The following CAAP1 variants were observed in gnomAD, a reference collection of about 807,000 sequenced individuals.
CAAP1 encodes conserved anti-apoptotic protein.
CAAP1 carries 20 observed loss-of-function variants against 34.0 expected under a neutral mutation model. That is an observed-to-expected ratio of 0.59 (90% CI 0.41 to 0.86). CAAP1 has a LOEUF of 0.86. CAAP1 is among the 40% of genes least tolerant of loss of function. The pLI, the probability that CAAP1 is intolerant of heterozygous loss-of-function variation, is 0.00. For missense variants in CAAP1, 538 were observed against 450.5 expected, an observed-to-expected ratio of 1.19 and a Z score of -1.76; for synonymous variants, 213 against 166.7, an observed-to-expected ratio of 1.28 and a Z score of -2.14.
chr9:26,876,172 A>G (rs1823422647), intron 4 of CAAP1, among the ~76,000 whole-genome samples: 2 of 152,174 alleles, frequency 1.3e-5, no homozygotes, highest in African/African-American at 2.4e-5. Context: ...AAGGTAGCCT[A>G]TATTCCCTGG....
chr9:26,869,114 T>G (rs748993771), intron 4 of CAAP1, among the ~76,000 whole-genome samples: 13 of 152,260 alleles, frequency 8.5e-5, no homozygotes, highest in Non-Finnish European at 1.5e-4. Flanking sequence ...AATTGTTAGA[T>G]CTAGATGACA....
intron 5 of CAAP1, among the ~76,000 whole-genome samples, chr9:26,859,643 GATT>G: frequency 6.6e-6 from 1 of 152,170 alleles, no homozygotes; most frequent in South Asian, 2.1e-4. Context: ...ATATGATTAT[GATT>G]ATATTATATA....
intron 4 of CAAP1, among the ~76,000 whole-genome samples, chr9:26,882,933 G>C (rs2131337437): frequency 6.6e-6 from 1 of 152,226 alleles, no homozygotes; most frequent in East Asian, 1.9e-4. Flanking sequence ...GGGGCCTGTA[G>C]CTCCTTCATT....
chr9:26,865,734 T>G (rs1395829942), intron 4 of CAAP1, among the ~76,000 whole-genome samples: 1 of 152,208 alleles, frequency 6.6e-6, no homozygotes, highest in African/African-American at 2.4e-5. Context: ...TAAATCATTT[T>G]CTCATTTAAT....
chr9:26,877,075 A>G (rs183203470), intron 4 of CAAP1, among the ~76,000 whole-genome samples: 96 of 152,300 alleles, frequency 6.3e-4, no homozygotes, highest in African/African-American at 2.1e-3. Flanking sequence ...ACTTGAGCCC[A>G]GGAGTTTGAG....
rs377702243 is a variant in CAAP1 at position 26,890,805 on chromosome 9, C to T, written c.303+1608G>A. Among the ~76,000 whole-genome samples the T allele has an allele frequency of 8.5e-5, 13 of 152,208 alleles. No individual in the cohort carries two copies. In the East Asian group the frequency reaches 2.1e-3, roughly 25 times the overall value. On this transcript the variant is annotated intron_variant, in intron 1 of 5. Transcript: ENST00000333916. ...CTGAAAATACAAAAAATTAGCTGGG[C>T]GTCGTGGCGGGCGCCTGCAGTCCCA...
At chr9:26,873,377 T>G (rs1823326957) in intron 4 of CAAP1, among the ~76,000 whole-genome samples, 1 of 152,242 alleles carries the variant, frequency 6.6e-6, no homozygotes, top group Non-Finnish European at 1.5e-5. Context: ...CCATTTTCAC[T>G]GGTATCTCCC....
chr9:26,855,078 T>C (rs141347146), intron 5 of CAAP1, among the ~76,000 whole-genome samples: 2 of 152,226 alleles, frequency 1.3e-5, no homozygotes, highest in African/African-American at 2.4e-5. Flanking sequence ...TGCCAAAACT[T>C]GGAAGCATCC....
chr9:26,886,159 T>C lies in CAAP1; in HGVS notation c.534A>G (p.Leu178=), dbSNP rs779685310. 6 of 1,555,998 alleles carry C rather than the reference T, an allele frequency of 3.9e-6. No homozygotes were observed. Among genetic ancestry groups the C allele is most frequent in the South Asian group, 1.3e-5 (1 of 77,668 alleles). Residue 178 remains leucine (L), a synonymous_variant, in exon 3 of 6, where the codon CTA becomes CTG. Transcript: ENST00000333916. ...ACAGGAGCTCTAACTGTTCCTGGCA[T>C]AGTTTTTTAATTTCTTCTATTGAAC... ...KNCSIEEIKK[L]CQEQLELLSE...
chr9:26,884,760 A>C, intron 4 of CAAP1, 50 bp downstream of exon 4: 1 of 1,250,414 alleles, frequency 8.0e-7, no homozygotes, highest in Non-Finnish European at 1.2e-6. Flanking sequence ...GAAATCACCA[A>C]AGGAATAACA....
rs117977052 is a variant in CAAP1, at chr9:26,848,647, C to T, written c.740-6000G>A. On this transcript the variant is annotated intron_variant, in intron 5 of 5. Transcript: ENST00000333916. ...AATTTAGAGAATCCCACAGCTCTCA[C>T]GCACTGAGGTTTGTTATAGATGATA... Among the ~76,000 whole-genome samples the T allele has an allele frequency of 3.9e-4, 59 of 152,342 alleles. 1 individual carries two copies. In the East Asian group the frequency reaches 0.011, roughly 28 times the overall value.
At chr9:26,876,818 C>T (rs966364801) in intron 4 of CAAP1, among the ~76,000 whole-genome samples, 4 of 151,954 alleles carry the variant, frequency 2.6e-5, no homozygotes, top group African/African-American at 4.8e-5. Flanking sequence ...AAATTCCACA[C>T]CTGACCTCTT....
intron 5 of CAAP1, among the ~76,000 whole-genome samples, chr9:26,849,950 T>C (rs112055144): frequency 0.043 from 6,472 of 151,996 alleles, 477 homozygotes; most frequent in African/African-American, 0.15. Flanking sequence ...ACCATTCTCC[T>C]GCCTCAGCCT....
intron 5 of CAAP1, among the ~76,000 whole-genome samples, chr9:26,843,084 A>G (rs915402478): frequency 7.9e-5 from 12 of 152,220 alleles, no homozygotes; most frequent in Non-Finnish European, 1.3e-4. Flanking sequence ...TAAACTACAA[A>G]AAAGAAAAAG....
chr9:26,867,466 G>A (rs1276143815), intron 4 of CAAP1, among the ~76,000 whole-genome samples: 2 of 152,000 alleles, frequency 1.3e-5, no homozygotes, highest in African/African-American at 2.4e-5. Context: ...ATTCATATCT[G>A]TAGTCCCTTT....
rs1822479495 is a variant in CAAP1, at chr9:26,841,532, C to A, written c.*769G>T. The stretch of plus-strand genomic sequence containing the variant: ...TTCATGGAATTATAGCACATCAGAT[C>A]TTTAAGCAACTACATCAGATAAAAT... On this transcript the variant is annotated 3_prime_UTR_variant, in exon 6 of 6. Transcript: ENST00000333916. The A allele has an allele frequency of 6.6e-6, 1 of 152,546 alleles. No homozygotes were observed. Among genetic ancestry groups the A allele is most frequent in the South Asian group, 2.1e-4 (1 of 4,824 alleles). The allele number at this position is 152,546 out of a possible 1,614,324, so 9.4% of individuals were successfully genotyped here.
At chr9:26,890,498 T>C (rs1823874976) in intron 1 of CAAP1, among the ~76,000 whole-genome samples, 1 of 151,750 alleles carries the variant, frequency 6.6e-6, no homozygotes, top group African/African-American at 2.4e-5. Context: ...TCTTAAAAAA[T>C]CACTCTAAAA....
chr9:26,855,801 A>G (rs181960565), intron 5 of CAAP1, among the ~76,000 whole-genome samples: 1 of 152,238 alleles, frequency 6.6e-6, no homozygotes, highest in Non-Finnish European at 1.5e-5. Context: ...GCTTTCCCTA[A>G]TGAACTGGGT....
chr9:26,864,366 G>T (rs565397983), intron 4 of CAAP1, among the ~76,000 whole-genome samples: 1 of 152,082 alleles, frequency 6.6e-6, no homozygotes, highest in Non-Finnish European at 1.5e-5. Context: ...AATATGGGGG[G>T]TGGGGGTAAA....
Sources: gnomAD v4.1 joint callset for allele counts (sites outside exome capture counted in the v4.1 genomes callset) on GRCh38, gnomAD v4.1.1 for gene constraint, MANE v1.5 for transcripts, NCBI Gene and HGNC (gene_info 2026-07-23, HGNC 2026-07-21) for gene names.